The following CSMD1 variants were observed in gnomAD, a reference collection of about 807,000 sequenced individuals.
CSMD1 encodes the protein CUB and sushi domain-containing protein 1.
CSMD1 carries 213 observed loss-of-function variants against 417.5 expected under a neutral mutation model. The observed-to-expected ratio is 0.51, with a 90% CI of 0.46 to 0.57. CSMD1 has a LOEUF of 0.57. CSMD1 is among the 20% of genes least tolerant of loss of function. The probability of loss-of-function intolerance (pLI) is 0.00; values close to 1 mark genes in which losing one functional copy is unlikely to be tolerated. For synonymous variants in CSMD1, 2,862 were observed against 1,736.8 expected (o/e 1.65, Z -16.11); for missense variants, 6,923 against 4,529.7 (o/e 1.53, Z -15.17).
intron 1 of CSMD1, among the ~76,000 whole-genome samples, chr8:4,832,232 G>C (rs776066371): frequency 3.8e-4 from 58 of 152,162 alleles, no homozygotes; most frequent in Non-Finnish European, 7.3e-4. Flanking sequence ...GCTGGGATTT[G>C]GATGAGGACA....
intron 1 of CSMD1, among the ~76,000 whole-genome samples, chr8:4,723,708 G>T (rs939987261): frequency 1.4e-5 from 2 of 147,384 alleles, no homozygotes. Flanking sequence ...AAATGTCCAG[G>T]TATACATAAA....
At position 4,432,935 on chromosome 8, in the gene CSMD1, C is replaced by G. The variant is rs115286607; in HGVS notation, c.303-12870G>C. Among the ~76,000 whole-genome samples the G allele has an allele frequency of 6.9e-4, 105 of 152,336 alleles. 1 individual carries two copies. The highest frequency in any genetic ancestry group is 2.4e-3 in the African/African-American group (99 of 41,584). ...CAGAGAGGCTGTGTTGTTTTCACAGCTGCTCCCCATGGCTCACGTTACCAG... is the reference window on the plus strand; with the variant it reads ...CAGAGAGGCTGTGTTGTTTTCACAGGTGCTCCCCATGGCTCACGTTACCAG... On this transcript the variant is annotated intron_variant, in intron 2 of 69. Transcript: ENST00000635120.
intron 1 of CSMD1, among the ~76,000 whole-genome samples, chr8:4,879,111 A>G (rs1333015045): frequency 1.3e-5 from 2 of 152,114 alleles, no homozygotes; most frequent in African/African-American, 4.8e-5. Flanking sequence ...AAAAAAAGAT[A>G]TCATTTACGT....
At chr8:3,509,269 T>C (rs190340381) in intron 10 of CSMD1, among the ~76,000 whole-genome samples, 61 of 152,326 alleles carry the variant, frequency 4.0e-4, no homozygotes, top group Non-Finnish European at 4.0e-4. Context: ...GATTAAAGCA[T>C]GGACAATGAC....
In CSMD1 at chr8:3,408,290, A is replaced by C. The variant is rs1175680881; in HGVS notation, c.1745-65T>G. ...TATCCAAAGAATTGCCATGTGAAAC[A>C]GACAGCTAAGAACCTGGAAAGGCAA... On this transcript the variant is annotated intron_variant, in intron 13 of 69. Transcript: ENST00000635120. The C allele has an allele frequency of 2.0e-5, 26 of 1,285,064 alleles. No individual in the cohort carries two copies. In the East Asian group the frequency reaches 6.6e-4, roughly 33 times the overall value. The allele number at this position is 1,285,064 out of a possible 1,614,324, so 79.6% of individuals were successfully genotyped here.
At chr8:4,509,843 A>G (rs1436103881) in intron 2 of CSMD1, among the ~76,000 whole-genome samples, 3 of 152,196 alleles carry the variant, frequency 2.0e-5, no homozygotes, top group African/African-American at 7.2e-5. Flanking sequence ...TTGCCCCAAG[A>G]TTCACAGCTG....
At chr8:4,323,695 A>G (rs778505219) in intron 3 of CSMD1, among the ~76,000 whole-genome samples, 2 of 152,204 alleles carry the variant, frequency 1.3e-5, no homozygotes, top group Non-Finnish European at 2.9e-5. Context: ...GAAATGTATA[A>G]AATAGAAGGA....
chr8:3,849,754 A>C (rs971928623), intron 5 of CSMD1, among the ~76,000 whole-genome samples: 1 of 152,186 alleles, frequency 6.6e-6, no homozygotes, highest in Non-Finnish European at 1.5e-5. Flanking sequence ...TCTTGTACAA[A>C]TATCTTTTGA....
At chr8:4,048,203 A>G (rs1475648929) in intron 3 of CSMD1, among the ~76,000 whole-genome samples, 2 of 152,200 alleles carry the variant, frequency 1.3e-5, no homozygotes, top group African/African-American at 4.8e-5. Flanking sequence ...ATGTTTTCAT[A>G]TTGAATAACA....
At chr8:4,067,782 G>C (rs1265552034) in intron 3 of CSMD1, among the ~76,000 whole-genome samples, 1 of 152,046 alleles carries the variant, frequency 6.6e-6, no homozygotes, top group Non-Finnish European at 1.5e-5. Context: ...CCTGTAAACA[G>C]AATTACTAAA....
intron 5 of CSMD1, among the ~76,000 whole-genome samples, chr8:3,913,219 G>A (rs76128969): frequency 5.9e-5 from 9 of 152,142 alleles, no homozygotes; most frequent in African/African-American, 1.4e-4. Context: ...ACAGATATCA[G>A]GGTTGGAATA....
At chr8:3,403,504 G>T (rs1812163326) in intron 15 of CSMD1, among the ~76,000 whole-genome samples, 1 of 152,082 alleles carries the variant, frequency 6.6e-6, no homozygotes, top group Non-Finnish European at 1.5e-5. Context: ...TTCTGCCGAG[G>T]GCTTCCTTTG....
chr8:4,733,991 T>C (rs1466705239), intron 1 of CSMD1, among the ~76,000 whole-genome samples: 1 of 152,214 alleles, frequency 6.6e-6, no homozygotes, highest in Non-Finnish European at 1.5e-5. Context: ...GAAGTGAAGA[T>C]TCTCTTATCA....
chr8:4,259,730 T>C lies in CSMD1; in HGVS notation c.415+160223A>G, dbSNP rs143511765. Among the ~76,000 whole-genome samples, 410 of 152,250 alleles carry C rather than the reference T, an allele frequency of 2.7e-3. 3 individuals carry two copies. The highest frequency in any genetic ancestry group is 9.4e-3 in the African/African-American group (389 of 41,556). On this transcript the variant is annotated intron_variant, in intron 3 of 69. Coordinates refer to ENST00000635120, the MANE Select transcript of CSMD1 (RefSeq NM_033225.6). The stretch of plus-strand genomic sequence containing the variant: ...TTTCAATAATTTTGCCACAAATATA[T>C]ACACATACACATGTATTTCATAAAC...
chr8:4,393,968 C>T (rs1001086516), intron 3 of CSMD1, among the ~76,000 whole-genome samples: 11 of 152,272 alleles, frequency 7.2e-5, no homozygotes, highest in African/African-American at 2.6e-4. Flanking sequence ...GCAGAATATG[C>T]CATTTGCCAA....
intron 3 of CSMD1, among the ~76,000 whole-genome samples, chr8:4,372,999 C>A (rs1802490708): frequency 6.6e-6 from 1 of 152,180 alleles, no homozygotes; most frequent in Non-Finnish European, 1.5e-5. Context: ...CACTGGACAG[C>A]CCTCAGCTAG....
chr8:3,942,029 T>C (rs1810916870), intron 5 of CSMD1, among the ~76,000 whole-genome samples: 1 of 152,072 alleles, frequency 6.6e-6, no homozygotes, highest in South Asian at 2.1e-4. Context: ...ATTAGATTCT[T>C]ATAGGCGCGC....
At chr8:3,639,244 T>C (rs1181281143) in intron 7 of CSMD1, among the ~76,000 whole-genome samples, 1 of 152,204 alleles carries the variant, frequency 6.6e-6, no homozygotes, top group Non-Finnish European at 1.5e-5. Context: ...CCATTGACAA[T>C]GAAATTTCTA....
rs117446988 is a variant in CSMD1, at chr8:3,032,459, C to A, written c.7661-2946G>T. Among the ~76,000 whole-genome samples the A allele has an allele frequency of 2.0e-3, 304 of 152,142 alleles. 4 individuals carry two copies. The highest frequency in any genetic ancestry group is 0.013 in the South Asian group (64 of 4,818). On this transcript the variant is annotated intron_variant, in intron 50 of 69. Coordinates refer to ENST00000635120, the MANE Select transcript of CSMD1 (RefSeq NM_033225.6). ...CCACGGAATGGTGGGCCCTGATTTG[C>A]TGTGGTCAATAAGGCTGTCCCAAAG...
Sources: allele counts gnomAD v4.1 joint callset (sites outside exome capture counted in the v4.1 genomes callset), GRCh38; gene constraint gnomAD v4.1.1; transcripts MANE v1.5; gene names NCBI Gene and HGNC (gene_info 2026-07-23, HGNC 2026-07-21).